The following KLF12 variants were observed in gnomAD, a reference collection of about 807,000 sequenced individuals.
KLF12 encodes KLF transcription factor 12, also known as Krueppel-like factor 12.
Under a neutral mutation model 37.8 loss-of-function variants are expected in KLF12, and 9 were observed. The observed-to-expected ratio is 0.24, with a 90% CI of 0.14 to 0.42. The LOEUF is 0.42. Ranked by LOEUF, KLF12 falls within the 10% of genes least tolerant of loss-of-function variation. The pLI is 1.00. For missense variants in KLF12, 411 were observed against 516.0 expected (o/e 0.80, Z 1.97); for synonymous variants, 208 against 202.1 (o/e 1.03, Z -0.25).
intron 5 of KLF12, among the ~76,000 whole-genome samples, chr13:73,765,564 T>C (rs957039946): frequency 8.5e-5 from 13 of 152,156 alleles, no homozygotes; most frequent in African/African-American, 3.1e-4. Context: ...ACACTGGACT[T>C]TGAAGAAAGT....
chr13:74,284,108 C>T, the KLF12 span, among the ~76,000 whole-genome samples: 3 of 152,090 alleles, frequency 2.0e-5, no homozygotes, highest in Admixed American at 1.3e-4. Context: ...CCACCTGCCT[C>T]GGCCTCCTGA....
the KLF12 span, among the ~76,000 whole-genome samples, chr13:74,215,012 T>C: frequency 1.2e-4 from 19 of 152,260 alleles, no homozygotes; most frequent in Middle Eastern, 3.4e-3. Flanking sequence ...CAGGCTGGTC[T>C]CGAACTCCTG....
chr13:74,156,528 C>A, the KLF12 span, among the ~76,000 whole-genome samples: 42 of 152,266 alleles, frequency 2.8e-4, no homozygotes, highest in Middle Eastern at 3.4e-3. Context: ...TTATTGACTA[C>A]AGCCACCTTA....
intron 2 of KLF12, among the ~76,000 whole-genome samples, chr13:73,984,542 C>A (rs932910371): frequency 3.5e-5 from 5 of 144,184 alleles, no homozygotes; most frequent in African/African-American, 1.3e-4. Flanking sequence ...TCCAGTGTGG[C>A]CTTCCTCTCC....
At chr13:73,798,660 A>C (rs960131683) in intron 5 of KLF12, among the ~76,000 whole-genome samples, 1 of 152,224 alleles carries the variant, frequency 6.6e-6, no homozygotes, top group Non-Finnish European at 1.5e-5. Context: ...AACATATTGA[A>C]AAAAAGTTCA....
chr13:73,745,670 A>G (rs1878314143), intron 6 of KLF12, among the ~76,000 whole-genome samples: 1 of 152,182 alleles, frequency 6.6e-6, no homozygotes, highest in African/African-American at 2.4e-5. Context: ...TTCTGCACGT[A>G]TGTAATTTCT....
chr13:73,777,632 C>T (rs1052494159), intron 5 of KLF12, among the ~76,000 whole-genome samples: 4 of 151,720 alleles, frequency 2.6e-5, no homozygotes, highest in East Asian at 1.9e-4. Context: ...CGCTTGAACC[C>T]GGTAGGCAGA....
At chr13:73,729,182 C>T (rs777111109) in intron 6 of KLF12, among the ~76,000 whole-genome samples, 19 of 152,170 alleles carry the variant, frequency 1.2e-4, no homozygotes, top group Non-Finnish European at 2.4e-4. Flanking sequence ...TCCCTATTTA[C>T]CTGTGAAGAA....
chr13:73,951,012 A>G (rs1360675317), intron 2 of KLF12, among the ~76,000 whole-genome samples: 1 of 152,208 alleles, frequency 6.6e-6, no homozygotes, highest in Non-Finnish European at 1.5e-5. Flanking sequence ...TGGACACAGA[A>G]GCCAGGCACC....
chr13:73,873,376 T>A (rs1376172402), intron 3 of KLF12, among the ~76,000 whole-genome samples: 2 of 152,212 alleles, frequency 1.3e-5, no homozygotes, highest in African/African-American at 4.8e-5. Flanking sequence ...TTCAATCATT[T>A]CATCACTAGA....
intron 1 of KLF12, among the ~76,000 whole-genome samples, chr13:74,020,957 A>T (rs552396449): frequency 2.0e-5 from 3 of 152,156 alleles, no homozygotes; most frequent in African/African-American, 7.2e-5. Flanking sequence ...ACAATTCTGA[A>T]AAAAGGACTG....
At chr13:73,720,790 TA>T (rs1409342637) in intron 6 of KLF12, among the ~76,000 whole-genome samples, 1 of 152,148 alleles carries the variant, frequency 6.6e-6, no homozygotes, top group Non-Finnish European at 1.5e-5. Context: ...AAATTAGGGA[TA>T]ACTGTAATCA....
At chr13:74,065,875 G>C (rs1873885416) in intron 1 of KLF12, among the ~76,000 whole-genome samples, 1 of 151,986 alleles carries the variant, frequency 6.6e-6, no homozygotes, top group African/African-American at 2.4e-5. Flanking sequence ...TCTCAATCAT[G>C]AGCCCCTCAC....
intron 7 of KLF12, among the ~76,000 whole-genome samples, chr13:73,701,841 A>T (rs1874580887): frequency 2.6e-5 from 4 of 151,476 alleles, no homozygotes; most frequent in South Asian, 2.1e-4. Flanking sequence ...TTTTGTATTT[A>T]AAAAAAAAGA....
chr13:74,234,195 A>T, the KLF12 span, among the ~76,000 whole-genome samples: 1 of 152,212 alleles, frequency 6.6e-6, no homozygotes, highest in East Asian at 1.9e-4. Flanking sequence ...CATCCATGGA[A>T]TACATATAGA....
intron 4 of KLF12, among the ~76,000 whole-genome samples, chr13:73,836,644 CA>C (rs1884450572): frequency 6.6e-6 from 1 of 152,020 alleles, no homozygotes; most frequent in South Asian, 2.1e-4. Flanking sequence ...TATATGAAAT[CA>C]GAAGCATATT....
chr13:74,226,206 T>C, the KLF12 span, among the ~76,000 whole-genome samples: 1 of 152,128 alleles, frequency 6.6e-6, no homozygotes, highest in East Asian at 1.9e-4. Context: ...CAGGTGAGAA[T>C]TGATGGAAAT....
At chr13:74,207,978 C>G in the KLF12 span, among the ~76,000 whole-genome samples, 29 of 152,124 alleles carry the variant, frequency 1.9e-4, no homozygotes, top group Admixed American at 3.9e-4. Flanking sequence ...TTTGACTCAT[C>G]ATTGAATTAG....
intron 7 of KLF12, among the ~76,000 whole-genome samples, chr13:73,705,871 C>T (rs978551911): frequency 2.0e-5 from 3 of 152,034 alleles, no homozygotes; most frequent in Admixed American, 6.6e-5. Context: ...GATCCCATGG[C>T]GGCCGGGTGC....
Sources: gnomAD v4.1 joint callset for allele counts (sites outside exome capture counted in the v4.1 genomes callset) on GRCh38, gnomAD v4.1.1 for gene constraint, MANE v1.5 for transcripts, NCBI Gene and HGNC (gene_info 2026-07-23, HGNC 2026-07-21) for gene names.